The following DNAJB1 variants were observed in gnomAD, a reference collection of about 807,000 sequenced individuals.
The protein encoded by DNAJB1 is dnaJ homolog subfamily B member 1.
A neutral mutation model predicts 24.0 loss-of-function variants in DNAJB1; 14 were observed. The observed-to-expected ratio is 0.58, with a 90% CI of 0.39 to 0.91. DNAJB1 has a LOEUF of 0.91. Ranked by LOEUF, DNAJB1 falls within the 40% of genes least tolerant of loss-of-function variation. DNAJB1 has a pLI of 0.00. For synonymous variants in DNAJB1, 262 were observed against 174.4 expected, an observed-to-expected ratio of 1.50 and a Z score of -3.96; for missense variants, 517 against 458.1, an observed-to-expected ratio of 1.13 and a Z score of -1.17.
intron 1 of DNAJB1, among the ~76,000 whole-genome samples, chr19:14,557,929 G>C (rs191247451): frequency 4.0e-5 from 6 of 151,608 alleles, no homozygotes; most frequent in Non-Finnish European, 8.8e-5. Flanking sequence ...CTAATTTTTT[G>C]TATTTTTAGT....
upstream of DNAJB1, among the ~76,000 whole-genome samples, chr19:14,554,132 C>A (rs1169696101): frequency 6.6e-6 from 1 of 152,176 alleles, no homozygotes. Flanking sequence ...GCGTGGTCTT[C>A]TGGGCTCTGG....
At chr19:14,549,177 C>T (rs867555233) in intron 1 of DNAJB1, among the ~76,000 whole-genome samples, 2 of 150,628 alleles carry the variant, frequency 1.3e-5, no homozygotes, top group Non-Finnish European at 2.9e-5. Flanking sequence ...CCATCATTAC[C>T]TTCACAGAAT....
In DNAJB1 at chr19:14,516,051, G is replaced by T; in HGVS notation, c.912C>A (p.Leu304=). Residue 304 remains leucine, a synonymous_variant, in exon 3 of 3, where the codon CTC becomes CTA. Transcript: ENST00000254322. ...CCCCACGTTTCTCGGGTGTTTTGGG[G>T]AGGGGGAGGCCTTCTCCAGGAACTT... ...RRKVPGEGLP[L]PKTPEKRGDL... 1.2e-6 allele frequency: 2 copies of T among 1,613,426 alleles called. No homozygotes were observed. Among genetic ancestry groups the T allele is most frequent in the Non-Finnish European group, 1.7e-6 (2 of 1,179,770 alleles).
At chr19:14,521,256 C>T (rs1264333085), upstream of DNAJB1, among the ~76,000 whole-genome samples, 2 of 151,694 alleles carry the variant, frequency 1.3e-5, no homozygotes, top group African/African-American at 4.8e-5. Context: ...GTCAGGAGTT[C>T]GAGACCAGTC....
At chr19:14,548,383 T>C (rs968439447) in intron 1 of DNAJB1, among the ~76,000 whole-genome samples, 1 of 152,146 alleles carries the variant, frequency 6.6e-6, no homozygotes, top group Non-Finnish European at 1.5e-5. Context: ...CCTAAGCTGT[T>C]TGACTCTGCT....
intron 1 of DNAJB1, chr19:14,529,109 C>G (rs543501674): frequency 6.1e-6 from 1 of 163,572 alleles, no homozygotes; most frequent in African/African-American, 2.4e-5. Flanking sequence ...ACTCAAGAGT[C>G]TCCTCCCATA....
intron 1 of DNAJB1, among the ~76,000 whole-genome samples, chr19:14,536,390 C>T (rs989071773): frequency 6.6e-6 from 1 of 151,952 alleles, no homozygotes. Context: ...CTGCCTCAGC[C>T]TCCTGAGTAG....
upstream of DNAJB1, chr19:14,530,456 TTTAAG>T (rs2072592541): frequency 6.6e-6 from 1 of 152,218 alleles, no homozygotes; most frequent in Non-Finnish European, 1.5e-5. Context: ...ATTGCTGACT[TTTAAG>T]TAACTATCAT....
chr19:14,555,225 T>A (rs1003853536), upstream of DNAJB1, among the ~76,000 whole-genome samples: 1 of 151,530 alleles, frequency 6.6e-6, no homozygotes, highest in Non-Finnish European at 1.5e-5. Flanking sequence ...GGACCATAGG[T>A]GCGAGTCACC....
chr19:14,537,592 G>C (rs573539115), intron 1 of DNAJB1, among the ~76,000 whole-genome samples: 2 of 152,276 alleles, frequency 1.3e-5, no homozygotes, highest in Admixed American at 6.5e-5. Context: ...CCTTGAGCTA[G>C]TTGGTCAAGT....
At chr19:14,559,068 G>A (rs1461630581) in intron 1 of DNAJB1, among the ~76,000 whole-genome samples, 1 of 152,098 alleles carries the variant, frequency 6.6e-6, no homozygotes, top group Admixed American at 6.5e-5. Flanking sequence ...CTCACATTAG[G>A]CCCTCCCTCT....
At chr19:14,547,267 C>T (rs2073339121) in intron 1 of DNAJB1, among the ~76,000 whole-genome samples, 1 of 152,080 alleles carries the variant, frequency 6.6e-6, no homozygotes, top group African/African-American at 2.4e-5. Context: ...CGACAGTAGG[C>T]CAGAAATGAC....
intron 1 of DNAJB1, among the ~76,000 whole-genome samples, chr19:14,546,231 G>A (rs1011307400): frequency 1.3e-5 from 2 of 151,968 alleles, no homozygotes; most frequent in Admixed American, 6.6e-5. Context: ...CACACTGAAA[G>A]TTTTTGGGCA....
chr19:14,557,289 C>G (rs2073764260), intron 1 of DNAJB1, among the ~76,000 whole-genome samples: 1 of 151,516 alleles, frequency 6.6e-6, no homozygotes, highest in African/African-American at 2.4e-5. Context: ...TACAGGCACA[C>G]ACCACCATGC....
Position 14,515,416 on chromosome 19 carries a change from G to C in DNAJB1, c.*524C>G, listed in dbSNP as rs1305909436. ...GGACGCCAACCAGGCAGTTCTGCAG[G>C]AATAGTTTAGGTTCTCAATTTGAGA... On this transcript the variant is annotated 3_prime_UTR_variant, in exon 3 of 3. Coordinates refer to ENST00000254322, the MANE Select transcript of DNAJB1 (RefSeq NM_006145.3). The C allele has an allele frequency of 6.5e-6, 1 of 154,068 alleles. No homozygotes were observed. The highest frequency in any genetic ancestry group is 2.4e-5 in the African/African-American group (1 of 41,460). The allele number at this position is 154,068 out of a possible 1,614,324, so 9.5% of individuals were successfully genotyped here.
chr19:14,558,374 C>T (rs1054764448), intron 1 of DNAJB1, among the ~76,000 whole-genome samples: 2 of 152,204 alleles, frequency 1.3e-5, no homozygotes, highest in Non-Finnish European at 2.9e-5. Context: ...CGGCACTCCC[C>T]TCTGGGCTTG....
At chr19:14,520,189 C>A (rs1181262556), upstream of DNAJB1, among the ~76,000 whole-genome samples, 1 of 152,142 alleles carries the variant, frequency 6.6e-6, no homozygotes, top group African/African-American at 2.4e-5. Context: ...AGGCATGGCA[C>A]AAAGGAAGCA....
chr19:14,547,342 C>G (rs898272045), intron 1 of DNAJB1, among the ~76,000 whole-genome samples: 2 of 144,880 alleles, frequency 1.4e-5, no homozygotes, highest in African/African-American at 2.5e-5. Context: ...CCGTACCTGG[C>G]CTATTTTATT....
intron 1 of DNAJB1, among the ~76,000 whole-genome samples, chr19:14,542,182 C>G (rs996723899): frequency 6.6e-6 from 1 of 151,880 alleles, no homozygotes; most frequent in African/African-American, 2.4e-5. Context: ...CCAGGCTGGT[C>G]TCCAACTCTT....
Sources: gnomAD v4.1 joint callset for allele counts (sites outside exome capture counted in the v4.1 genomes callset) on GRCh38, gnomAD v4.1.1 for gene constraint, MANE v1.5 for transcripts, NCBI Gene and HGNC (gene_info 2026-07-23, HGNC 2026-07-21) for gene names.